The following VIPAS39 variants were observed in gnomAD, a reference collection of about 807,000 sequenced individuals.
The protein encoded by VIPAS39 is VPS33B interacting protein, apical-basolateral polarity regulator, spe-39 homolog.
VIPAS39 carries 63 observed loss-of-function variants against 84.7 expected under a neutral mutation model. That is an observed-to-expected ratio of 0.74 (90% CI 0.61 to 0.92). The LOEUF (loss-of-function observed/expected upper bound fraction) is 0.92. VIPAS39 is among the 40% of genes least tolerant of loss of function. VIPAS39 has a pLI of 0.00. For missense variants in VIPAS39, 499 were observed against 604.5 expected (o/e 0.83, Z 1.83); for synonymous variants, 192 against 216.5 (o/e 0.89, Z 0.99).
intron 10 of VIPAS39, 60 bp downstream of exon 10, chr14:77,442,500 C>G: frequency 7.1e-7 from 1 of 1,415,000 alleles, no homozygotes; most frequent in South Asian, 1.2e-5. Context: ...CTTTGTATCC[C>G]TCAGAGTGCT....
intron 4 of VIPAS39, among the ~76,000 whole-genome samples, chr14:77,450,068 T>C (rs1477720479): frequency 6.6e-6 from 1 of 152,192 alleles, no homozygotes; most frequent in East Asian, 1.9e-4. Flanking sequence ...AACTTTTTCA[T>C]CATCCCAAAC....
At chr14:77,434,219 A>T in intron 15 of VIPAS39, 43 bp downstream of exon 15, 1 of 1,582,622 alleles carries the variant, frequency 6.3e-7, no homozygotes, top group Non-Finnish European at 8.7e-7. Flanking sequence ...CCATGTAGTT[A>T]CCCTGATCAC....
At chr14:77,435,461 T>C (rs575194446) in intron 13 of VIPAS39, 68 bp from the exon 14 acceptor site, 10 of 1,578,026 alleles carry the variant, frequency 6.3e-6, no homozygotes, top group African/African-American at 1.4e-5. Context: ...AGGAGAAAAA[T>C]CTTTTAATAC....
At position 77,429,596 on chromosome 14, in the gene VIPAS39, C is replaced by T. The variant is rs111998202; in HGVS notation, c.1266+85G>A. On this transcript the variant is annotated intron_variant, in intron 17 of 19. Transcript: ENST00000557658. ...CCTTTAAGGGAAAACAAGAGCAGAT[C>T]GGGTCTCCCATCACTGACCAGTAAG... 4.7e-5 allele frequency: 63 copies of T among 1,349,564 alleles called. No homozygotes were observed. In the African/African-American group the frequency reaches 6.6e-4, roughly 14 times the overall value. The allele number at this position is 1,349,564 out of a possible 1,614,324, so 83.6% of individuals were successfully genotyped here.
rs531289847 is a variant in VIPAS39, at chr14:77,435,824, A to G, written c.912+20T>C. The G allele has an allele frequency of 9.3e-5, 150 of 1,613,514 alleles. 1 individual carries two copies. In the South Asian group the frequency reaches 1.6e-3, roughly 17 times the overall value. On this transcript the variant is annotated intron_variant, in intron 13 of 19. Transcript: ENST00000557658. ...GAGCCTTGGCACTGAAGCAAAAGAT[A>G]TAGAGATGAAGAGTCTAACCTCAAT... is the stretch of plus-strand genomic sequence containing the variant.
chr14:77,446,851 G>A (rs1181268357), intron 7 of VIPAS39, among the ~76,000 whole-genome samples: 1 of 151,784 alleles, frequency 6.6e-6, no homozygotes, highest in African/African-American at 2.4e-5. Flanking sequence ...TTGCTCTGTT[G>A]CCTAAGCTGG....
chr14:77,457,598 G>C lies in VIPAS39; in HGVS notation c.-104C>G. ...GCAGCTTAGAGAAGGGGGCGGAAGG[G>C]AATAATCGTAGGGCGGAGAGAAAAC... On this transcript the variant is annotated 5_prime_UTR_variant, in exon 1 of 20. Coordinates refer to ENST00000557658, the MANE Select transcript of VIPAS39 (RefSeq NM_001193315.2). 1 of 564,404 alleles carries C rather than the reference G, an allele frequency of 1.8e-6. No individual in the cohort carries two copies. Among genetic ancestry groups the C allele is most frequent in the Admixed American group, 3.2e-5 (1 of 30,958 alleles). 35.0% of individuals were successfully genotyped at this position (564,404 alleles called of 1,614,324 possible). A position where few individuals can be genotyped will look rare whatever the true frequency, so the allele number is the denominator to read the frequency against.
chr14:77,454,115 G>C lies in VIPAS39; in HGVS notation c.1-13C>G. 6.2e-7 allele frequency: 1 copy of C among 1,613,172 alleles called. No homozygotes were observed. On this transcript the variant is annotated splice_polypyrimidine_tract_variant and intron_variant, in intron 1 of 19. Transcript: ENST00000557658. ...TTGTCCGATTCATCTACAGTGACAGGAAAACATACATTGCCCCTTTCTGGG... is the reference window on the plus strand; with the variant it reads ...TTGTCCGATTCATCTACAGTGACAGCAAAACATACATTGCCCCTTTCTGGG...
chr14:77,447,015 T>C (rs921453570), intron 7 of VIPAS39, among the ~76,000 whole-genome samples: 2 of 149,640 alleles, frequency 1.3e-5, no homozygotes, highest in East Asian at 1.9e-4. Context: ...AATTATAATA[T>C]ACATTTATAT....
At chr14:77,435,793 G>T in intron 13 of VIPAS39, 51 bp downstream of exon 13, 2 of 1,582,598 alleles carry the variant, frequency 1.3e-6, no homozygotes, top group South Asian at 1.1e-5. Context: ...GATGCTGAAC[G>T]GCACTGAGCC....
At chr14:77,441,120 C>T in intron 10 of VIPAS39, 27 bp from the exon 11 acceptor site, 1 of 1,612,334 alleles carries the variant, frequency 6.2e-7, no homozygotes, top group African/African-American at 1.3e-5. Context: ...GGGAGCAGGG[C>T]ATTTGTATCT....
chr14:77,449,612 A>G lies in VIPAS39; in HGVS notation c.382+102T>C, dbSNP rs192575826. 196 of 1,481,432 alleles carry G rather than the reference A, an allele frequency of 1.3e-4. 1 individual carries two copies. The African/African-American group carries it at 1.9e-3, about 14-fold the overall frequency. 91.8% of individuals were successfully genotyped at this position (1,481,432 alleles called of 1,614,324 possible). A position where few individuals can be genotyped will look rare whatever the true frequency, so the allele number is the denominator to read the frequency against. ...AATAATGACAGTAGATGCAGAAGAA[A>G]GTTCATCTTGTCATCTAATTACTAC... On this transcript the variant is annotated intron_variant, in intron 5 of 19. Coordinates refer to ENST00000557658, the MANE Select transcript of VIPAS39 (RefSeq NM_001193315.2).
intron 3 of VIPAS39, among the ~76,000 whole-genome samples, chr14:77,452,787 A>AG (rs1166849756): frequency 9.2e-6 from 1 of 109,194 alleles, no homozygotes; most frequent in East Asian, 1.9e-4. Context: ...CTCAAAAAAA[A>AG]AAAAAAAAAA....
At chr14:77,443,928 C>T (rs1183995834) in intron 8 of VIPAS39, among the ~76,000 whole-genome samples, 1 of 150,788 alleles carries the variant, frequency 6.6e-6, no homozygotes, top group Non-Finnish European at 1.5e-5. Context: ...GTGGTCCCAG[C>T]TACTCGGGGA....
At chr14:77,455,333 A>G (rs1450097007) in intron 1 of VIPAS39, among the ~76,000 whole-genome samples, 1 of 152,192 alleles carries the variant, frequency 6.6e-6, no homozygotes, top group Non-Finnish European at 1.5e-5. Flanking sequence ...TTTAAAAAAC[A>G]AAACAAAAAA....
intron 14 of VIPAS39, 137 bp from the exon 15 acceptor site, chr14:77,434,440 GA>G: frequency 1.2e-6 from 1 of 848,554 alleles, no homozygotes; most frequent in Non-Finnish European, 1.9e-6. Flanking sequence ...TAATTTCAGG[GA>G]AAAGCTCCAT....
chr14:77,451,407 C>A, intron 3 of VIPAS39, 74 bp from the exon 4 acceptor site: 1 of 1,611,760 alleles, frequency 6.2e-7, no homozygotes. Context: ...TCAATAAACT[C>A]TAAAAGCTTT....
rs1466411323 is a variant in VIPAS39, at chr14:77,428,437, G to T, written c.1394C>A (p.Ala465Glu). The change falls in exon 19 of 20, where the codon GCA becomes GAA. Residue 465 changes from alanine (A) to glutamate (E), a missense_variant. By Grantham distance (107) the Ala-to-Glu change is moderately radical. Coordinates refer to ENST00000557658, the MANE Select transcript of VIPAS39 (RefSeq NM_001193315.2). ...TCCTTTATCTACCTTACTCCTGTAT[G>T]CTAGCAACTGTTGACGATCCTTCAG... ...RDLKDRQQLL[A>E]YRSKVDKGSA... 1.9e-6 allele frequency: 3 copies of T among 1,614,038 alleles called. No individual in the cohort carries two copies. Among genetic ancestry groups the T allele is most frequent in the South Asian group, 1.1e-5 (1 of 91,068 alleles).
In VIPAS39 at chr14:77,428,927, T is replaced by C. The variant is rs2078474758; in HGVS notation, c.1356+79A>G. Reference sequence around the variant, plus strand: ...ACCTGGTGGGAGCACCTCAGGATCTTGGACAGAGAATATTATAATCCCCAC... The same window carrying C: ...ACCTGGTGGGAGCACCTCAGGATCTCGGACAGAGAATATTATAATCCCCAC... On this transcript the variant is annotated intron_variant, in intron 18 of 19. Coordinates refer to ENST00000557658, the MANE Select transcript of VIPAS39 (RefSeq NM_001193315.2). 3.9e-5 allele frequency: 53 copies of C among 1,345,910 alleles called. No homozygotes were observed. The South Asian group carries it at 6.1e-4, about 15-fold the overall frequency. The allele number at this position is 1,345,910 out of a possible 1,614,324, so 83.4% of individuals were successfully genotyped here. A position where few individuals can be genotyped will look rare whatever the true frequency, so the allele number is the denominator to read the frequency against.
Sources: gnomAD v4.1 joint callset for allele counts (sites outside exome capture counted in the v4.1 genomes callset) on GRCh38, gnomAD v4.1.1 for gene constraint, MANE v1.5 for transcripts, NCBI Gene and HGNC (gene_info 2026-07-23, HGNC 2026-07-21) for gene names.